MDGA2: variants seen among roughly 807,000 people sequenced by gnomAD.
MDGA2 encodes the protein MAM domain containing glycosylphosphatidylinositol anchor 2.
A neutral mutation model predicts 117.8 loss-of-function variants in MDGA2; 40 were observed. The ratio of observed to expected loss-of-function variants is 0.34; its 90% CI spans 0.26 to 0.44. MDGA2 has a LOEUF of 0.44. Ranked by LOEUF, MDGA2 falls within the 20% of genes least tolerant of loss-of-function variation. The probability of loss-of-function intolerance (pLI) is 1.00; values close to 1 mark genes in which losing one functional copy is unlikely to be tolerated. For missense variants in MDGA2, 1,123 were observed against 1,250.6 expected, an observed-to-expected ratio of 0.90 and a Z score of 1.54; for synonymous variants, 452 against 439.0, an observed-to-expected ratio of 1.03 and a Z score of -0.37.
chr14:47,036,719 G>A (rs1888868996), intron 7 of MDGA2, among the ~76,000 whole-genome samples: 1 of 152,280 alleles, frequency 6.6e-6, no homozygotes. Context: ...CCACTGCCCA[G>A]GTACAAAACC....
chr14:47,530,293 T>A (rs1895068951), intron 1 of MDGA2, among the ~76,000 whole-genome samples: 1 of 152,204 alleles, frequency 6.6e-6, no homozygotes, highest in South Asian at 2.1e-4. Flanking sequence ...TCGGAGAATT[T>A]CTGGTCTAAC....
chr14:47,618,144 A>G (rs1238114729), intron 1 of MDGA2, among the ~76,000 whole-genome samples: 1 of 152,198 alleles, frequency 6.6e-6, no homozygotes, highest in Non-Finnish European at 1.5e-5. Flanking sequence ...AAACATATGC[A>G]TAAATACAAA....
chr14:46,922,335 C>T (rs901718375), intron 9 of MDGA2, among the ~76,000 whole-genome samples: 31 of 152,086 alleles, frequency 2.0e-4, no homozygotes, highest in African/African-American at 7.2e-4. Flanking sequence ...AGCCATTTAG[C>T]AGGACTGAGA....
chr14:47,157,873 T>C (rs2139261350), intron 3 of MDGA2, among the ~76,000 whole-genome samples: 1 of 152,248 alleles, frequency 6.6e-6, no homozygotes, highest in African/African-American at 2.4e-5. Flanking sequence ...GAAGTGCCTT[T>C]AACCATGATT....
intron 1 of MDGA2, among the ~76,000 whole-genome samples, chr14:47,302,718 G>A (rs973111704): frequency 9.2e-5 from 14 of 151,922 alleles, no homozygotes; most frequent in African/African-American, 3.1e-4. Context: ...AATCATTCTG[G>A]GAAAAGCTGT....
intron 6 of MDGA2, among the ~76,000 whole-genome samples, chr14:47,062,917 A>T (rs982151975): frequency 6.6e-6 from 1 of 152,072 alleles, no homozygotes; most frequent in African/African-American, 2.4e-5. Context: ...GAAGATATAC[A>T]TAGATATCAA....
chr14:47,040,669 C>G (rs1889031832), intron 7 of MDGA2, among the ~76,000 whole-genome samples: 1 of 152,196 alleles, frequency 6.6e-6, no homozygotes, highest in Non-Finnish European at 1.5e-5. Flanking sequence ...CTAGCACCCT[C>G]TGTCTGCCCC....
chr14:47,451,930 G>A (rs1164146047), intron 1 of MDGA2, among the ~76,000 whole-genome samples: 1 of 152,080 alleles, frequency 6.6e-6, no homozygotes, highest in African/African-American at 2.4e-5. Context: ...AGTATATCTT[G>A]TACTGGTTTG....
chr14:47,349,433 T>C (rs1457147415), intron 1 of MDGA2, among the ~76,000 whole-genome samples: 1 of 152,236 alleles, frequency 6.6e-6, no homozygotes, highest in Non-Finnish European at 1.5e-5. Flanking sequence ...ATAGTTAAGA[T>C]AAAATGTTTA....
At chr14:47,617,885 A>G (rs1896975984) in intron 1 of MDGA2, among the ~76,000 whole-genome samples, 1 of 152,206 alleles carries the variant, frequency 6.6e-6, no homozygotes, top group African/African-American at 2.4e-5. Context: ...TGAGTGGATT[A>G]ATAAAAGATT....
Position 47,674,534 on chromosome 14 carries a change from G to A in MDGA2, c.263C>T (p.Ser88Phe). 6.4e-7 allele frequency: 1 copy of A among 1,551,260 alleles called. No individual in the cohort carries two copies. Among genetic ancestry groups the A allele is most frequent in the Non-Finnish European group, 8.7e-7 (1 of 1,146,794 alleles). Residue 88 changes from serine to phenylalanine, a missense_variant, in exon 1 of 17, where the codon TCT (serine) becomes TTT (phenylalanine). Ser to Phe is a radical substitution (Grantham distance 155). Coordinates refer to ENST00000399232, the MANE Select transcript of MDGA2 (RefSeq NM_001113498.3). ...WLLTVLLEGISGQGVYAPPTV... is the reference protein window; with the variant it reads ...WLLTVLLEGIFGQGVYAPPTV... The stretch of plus-strand genomic sequence containing the variant: ...CCACTCACCGTACACTCCTTGGCCA[G>A]AGATCCCCTCCAGGAGGACTGTCAG...
chr14:47,162,805 C>T (rs1309282391), intron 3 of MDGA2, among the ~76,000 whole-genome samples: 1 of 151,892 alleles, frequency 6.6e-6, no homozygotes, highest in Non-Finnish European at 1.5e-5. Context: ...ACTTCCTGTC[C>T]TAGGCCACTA....
intron 10 of MDGA2, among the ~76,000 whole-genome samples, chr14:46,886,594 TTTTTG>T (rs563462528): frequency 9.7e-4 from 147 of 151,950 alleles, no homozygotes; most frequent in Middle Eastern, 6.8e-3. Context: ...TACCAGGTGA[TTTTTG>T]TTTTGTTTTG....
intron 8 of MDGA2, among the ~76,000 whole-genome samples, chr14:47,011,569 A>G (rs1887896543): frequency 6.6e-6 from 1 of 152,016 alleles, no homozygotes; most frequent in Non-Finnish European, 1.5e-5. Flanking sequence ...AATTTTTCAT[A>G]AATTCCACTA....
chr14:47,445,696 G>A (rs1369747743), intron 1 of MDGA2, among the ~76,000 whole-genome samples: 1 of 152,080 alleles, frequency 6.6e-6, no homozygotes, highest in Admixed American at 6.6e-5. Context: ...GAGAGGGACA[G>A]CAATAAGAAA....
chr14:47,360,074 G>A (rs547893907), intron 1 of MDGA2, among the ~76,000 whole-genome samples: 49 of 151,768 alleles, frequency 3.2e-4, no homozygotes, highest in African/African-American at 1.1e-3. Flanking sequence ...GCAAAGGGCC[G>A]GGTGCAGTGG....
intron 1 of MDGA2, among the ~76,000 whole-genome samples, chr14:47,381,137 A>G (rs1470301372): frequency 1.3e-5 from 2 of 152,234 alleles, no homozygotes; most frequent in Non-Finnish European, 2.9e-5. Flanking sequence ...AGATGCAGAA[A>G]AGGCCTTCGA....
chr14:46,971,254 A>G (rs965174370), intron 8 of MDGA2, among the ~76,000 whole-genome samples: 12 of 152,194 alleles, frequency 7.9e-5, no homozygotes, highest in African/African-American at 2.9e-4. Flanking sequence ...AGGGATACGT[A>G]CCTGAATTTG....
At chr14:47,124,256 T>C (rs1176853314) in intron 5 of MDGA2, among the ~76,000 whole-genome samples, 1 of 152,126 alleles carries the variant, frequency 6.6e-6, no homozygotes, top group Non-Finnish European at 1.5e-5. Context: ...CACTGACTTA[T>C]CATTTATGTC....
Sources: gnomAD v4.1 joint callset for allele counts (sites outside exome capture counted in the v4.1 genomes callset) on GRCh38, gnomAD v4.1.1 for gene constraint, MANE v1.5 for transcripts, NCBI Gene and HGNC (gene_info 2026-07-23, HGNC 2026-07-21) for gene names.